The following SDK1 variants were observed in gnomAD, a reference collection of about 807,000 sequenced individuals.
SDK1 encodes the protein protein sidekick-1.
In SDK1, 157 loss-of-function variants were observed where a neutral mutation model predicts 245.5. That is an observed-to-expected ratio of 0.64 (90% confidence interval 0.56 to 0.73). SDK1 has a LOEUF of 0.73. Among genes scored for constraint, SDK1 ranks in the 30% least tolerant of loss-of-function variants. The pLI is 0.00. For missense variants in SDK1, 3,583 were observed against 3,002.3 expected (o/e 1.19, Z -4.52); for synonymous variants, 1,647 against 1,278.5 (o/e 1.29, Z -6.15).
intron 2 of SDK1, among the ~76,000 whole-genome samples, chr7:3,631,747 G>A (rs1782298345): frequency 6.6e-6 from 1 of 152,086 alleles, no homozygotes; most frequent in South Asian, 2.1e-4. Flanking sequence ...TAAATGATTT[G>A]GATTTAGATA....
At chr7:3,629,792 T>G (rs1422359528) in intron 2 of SDK1, among the ~76,000 whole-genome samples, 2 of 152,186 alleles carry the variant, frequency 1.3e-5, no homozygotes, top group Admixed American at 1.3e-4. Flanking sequence ...TCATCAAGCA[T>G]ATGCAGATGC....
At chr7:3,979,625 T>A (rs1012592461) in intron 13 of SDK1, among the ~76,000 whole-genome samples, 1 of 152,146 alleles carries the variant, frequency 6.6e-6, no homozygotes, top group Non-Finnish European at 1.5e-5. Context: ...GAGAAGAGGC[T>A]TCTAAACTCC....
At chr7:4,042,463 A>C (rs7805800) in intron 17 of SDK1, among the ~76,000 whole-genome samples, 24,609 of 136,000 alleles carry the variant, frequency 0.18, 7,006 homozygotes, top group African/African-American at 0.42. Context: ...CAATGGGTTT[A>C]GGCTGAGAGC....
intron 1 of SDK1, among the ~76,000 whole-genome samples, chr7:3,393,870 G>A (rs1485875565): frequency 1.3e-5 from 2 of 152,070 alleles, no homozygotes; most frequent in Admixed American, 6.6e-5. Flanking sequence ...TTGTGAGGTC[G>A]TGTTTTCCCG....
At chr7:3,841,001 G>A (rs1583466557) in intron 5 of SDK1, among the ~76,000 whole-genome samples, 1 of 152,286 alleles carries the variant, frequency 6.6e-6, no homozygotes, top group African/African-American at 2.4e-5. Context: ...TTATTACCAA[G>A]AGGCCCCACT....
chr7:3,324,171 T>C (rs1779886666), intron 1 of SDK1, among the ~76,000 whole-genome samples: 1 of 152,220 alleles, frequency 6.6e-6, no homozygotes. Flanking sequence ...TTCATGGTCA[T>C]TTTTCTGGTT....
chr7:3,685,015 A>G (rs933661481), intron 4 of SDK1, among the ~76,000 whole-genome samples: 1 of 152,158 alleles, frequency 6.6e-6, no homozygotes, highest in Non-Finnish European at 1.5e-5. Flanking sequence ...GAGAGGTAAC[A>G]TTGGTATCAT....
At chr7:3,852,431 T>G (rs1413583991) in intron 5 of SDK1, among the ~76,000 whole-genome samples, 1 of 151,982 alleles carries the variant, frequency 6.6e-6, no homozygotes, top group East Asian at 1.9e-4. Flanking sequence ...ATTTAAAAGT[T>G]TATTTAAATC....
chr7:4,145,746 C>G lies in SDK1; in HGVS notation c.4253C>G (p.Ala1418Gly). ...ILGYQIAYRLASSSPHTFTTV... is the reference protein window; with the variant it reads ...ILGYQIAYRLGSSSPHTFTTV... ...GGGTACCAGATTGCCTACCGCCTGG[C>G]CAGCAGCAGCCCCCACACCTTCACC... The change falls in exon 29 of 45, where the codon GCC becomes GGC. Residue 1418 changes from alanine to glycine, a missense_variant. Coordinates refer to ENST00000404826, the MANE Select transcript of SDK1 (RefSeq NM_152744.4). 6.2e-7 allele frequency: 1 copy of G among 1,610,010 alleles called. No homozygotes were observed. Among genetic ancestry groups the G allele is most frequent in the Non-Finnish European group, 8.5e-7 (1 of 1,178,254 alleles).
At chr7:3,585,439 A>G (rs1199607827) in intron 1 of SDK1, among the ~76,000 whole-genome samples, 1 of 152,168 alleles carries the variant, frequency 6.6e-6, no homozygotes, top group East Asian at 1.9e-4. Context: ...AGTTGAGGGG[A>G]TAGGTAGAAA....
intron 1 of SDK1, among the ~76,000 whole-genome samples, chr7:3,427,506 C>T (rs1450712732): frequency 1.0e-4 from 14 of 135,260 alleles, no homozygotes; most frequent in East Asian, 2.1e-4. Flanking sequence ...GTGAGAAGAG[C>T]GAAGCTCCAT....
rs190107979 is a variant in SDK1, at chr7:4,063,959, T to C, written c.2912-3879T>C. 1.8e-4 allele frequency among the ~76,000 whole-genome samples: 28 copies of C among 152,242 alleles called. No homozygotes were observed. The East Asian group carries it at 4.8e-3, about 26-fold the overall frequency. On this transcript the variant is annotated intron_variant, in intron 19 of 44. Coordinates refer to ENST00000404826, the MANE Select transcript of SDK1 (RefSeq NM_152744.4). Reference sequence around the variant, plus strand: ...TGGATTAAAGACTTAAATGTAACACTTGAAATTATAAAACTACTAAAATAA... The same window carrying C: ...TGGATTAAAGACTTAAATGTAACACCTGAAATTATAAAACTACTAAAATAA...
chr7:3,538,879 G>A (rs563769369), intron 1 of SDK1, among the ~76,000 whole-genome samples: 4 of 152,268 alleles, frequency 2.6e-5, no homozygotes, highest in East Asian at 1.9e-4. Context: ...TTATGCTGTC[G>A]GCATGATTTT....
intron 4 of SDK1, among the ~76,000 whole-genome samples, chr7:3,736,657 G>A (rs565277161): frequency 1.3e-5 from 2 of 152,126 alleles, no homozygotes; most frequent in Admixed American, 6.5e-5. Context: ...CTTTACTGAG[G>A]TATAGTCATA....
intron 4 of SDK1, among the ~76,000 whole-genome samples, chr7:3,747,649 T>C (rs1305488974): frequency 6.6e-6 from 1 of 152,120 alleles, no homozygotes; most frequent in Non-Finnish European, 1.5e-5. Flanking sequence ...GAGGAAGTAT[T>C]GTACTAGGTA....
intron 4 of SDK1, among the ~76,000 whole-genome samples, chr7:3,782,158 T>C (rs1248003572): frequency 6.6e-6 from 1 of 152,134 alleles, no homozygotes; most frequent in Admixed American, 6.5e-5. Context: ...ACAGGAAGCA[T>C]GGTGCCAGCA....
chr7:3,480,788 T>C (rs75391737), intron 1 of SDK1, among the ~76,000 whole-genome samples: 4,294 of 152,326 alleles, frequency 0.028, 187 homozygotes, highest in African/African-American at 0.091. Flanking sequence ...AGGGAGCCTC[T>C]AGAAGCTTGA....
At chr7:3,536,373 G>A (rs1583137737) in intron 1 of SDK1, among the ~76,000 whole-genome samples, 1 of 151,960 alleles carries the variant, frequency 6.6e-6, no homozygotes, top group Admixed American at 6.6e-5. Flanking sequence ...GCCACTAGCA[G>A]AATAATTTTT....
chr7:3,632,348 G>A (rs1562617246), intron 2 of SDK1, among the ~76,000 whole-genome samples: 3 of 152,214 alleles, frequency 2.0e-5, no homozygotes, highest in Non-Finnish European at 1.5e-5. Context: ...GAATCCCAGA[G>A]GAGGAGTCTT....
Sources: gnomAD v4.1 joint callset for allele counts (sites outside exome capture counted in the v4.1 genomes callset) on GRCh38, gnomAD v4.1.1 for gene constraint, MANE v1.5 for transcripts, NCBI Gene and HGNC (gene_info 2026-07-23, HGNC 2026-07-21) for gene names.